ENO3: variants seen among roughly 807,000 people sequenced by gnomAD.
The protein encoded by ENO3 is enolase 3, also known as beta-enolase.
In ENO3, 46 loss-of-function variants were observed where a neutral mutation model predicts 47.7. The observed-to-expected ratio is 0.96, with a 90% CI of 0.76 to 1.23. The LOEUF is 1.23. Ranked by LOEUF, ENO3 falls within the 50% of genes most tolerant of loss-of-function variation. The pLI, the probability that ENO3 is intolerant of heterozygous loss-of-function variation, is 0.00. For synonymous variants in ENO3, 223 were observed against 225.9 expected, an observed-to-expected ratio of 0.99 and a Z score of 0.11; for missense variants, 575 against 566.2, an observed-to-expected ratio of 1.02 and a Z score of -0.16.
Position 4,955,408 on chromosome 17 carries a change from C to G in ENO3, c.669C>G (p.Ala223=). 6.2e-7 allele frequency: 1 copy of G among 1,614,214 alleles called. No homozygotes were observed. Among genetic ancestry groups the G allele is most frequent in the East Asian group, 2.2e-5 (1 of 44,884 alleles). ...GGTCCTTTCTTGGTCCTCCCCCAGCCCTGGAGCTGCTGAAGACGGCCATCC... is the reference window on the plus strand; with the variant it reads ...GGTCCTTTCTTGGTCCTCCCCCAGCGCTGGAGCTGCTGAAGACGGCCATCC... ...FAPNILENNE[A]LELLKTAIQA... is the part of the protein sequence containing the mutation. Residue 223 remains alanine (A), a splice_region_variant and synonymous_variant, in exon 8 of 12, where the codon GCC becomes GCG. Coordinates refer to ENST00000519602, the MANE Select transcript of ENO3 (RefSeq NM_053013.4).
Position 4,953,831 on chromosome 17 carries a change from A to T in ENO3, c.430A>T (p.Ile144Leu). 6.2e-7 allele frequency: 1 copy of T among 1,614,024 alleles called. No homozygotes were observed. The highest frequency in any genetic ancestry group is 8.5e-7 in the Non-Finnish European group (1 of 1,179,992). Reference sequence around the variant, plus strand: ...AGATCTCGCTGGGAACCCTGACCTCATACTCCCAGTGCCAGTGAGTGCAGC... The same window carrying T: ...AGATCTCGCTGGGAACCCTGACCTCTTACTCCCAGTGCCAGTGAGTGCAGC... Reference protein sequence around the residue: ...IADLAGNPDLILPVPAFNVIN... With the variant: ...IADLAGNPDLLLPVPAFNVIN... The change falls in exon 6 of 12, where the codon ATA becomes TTA. Residue 144 changes from isoleucine (I) to leucine (L), a missense_variant. Physicochemically the swap from Ile to Leu is conservative, Grantham distance 5. Transcript: ENST00000519602.
At position 4,957,127 on chromosome 17, in the gene ENO3, C is replaced by G; in HGVS notation, c.*80C>G. ...TCCTGAAATAAACACTGGTGCCAAC[C>G]AAGACAGCTGTGTGCTTCTTTGTGG... On this transcript the variant is annotated 3_prime_UTR_variant, in exon 12 of 12. Coordinates refer to ENST00000519602, the MANE Select transcript of ENO3 (RefSeq NM_053013.4). 6.4e-7 allele frequency: 1 copy of G among 1,567,328 alleles called. No individual in the cohort carries two copies.
intron 1 of ENO3, 160 bp from the exon 2 acceptor site, chr17:4,951,668 A>T (rs982512016): frequency 1.4e-6 from 1 of 733,732 alleles, no homozygotes; most frequent in African/African-American, 1.7e-5. Flanking sequence ...TGAGTGGGGG[A>T]GGGGGCTGCG....
At chr17:4,952,967 A>G in intron 3 of ENO3, 77 bp downstream of exon 3, 1 of 1,610,084 alleles carries the variant, frequency 6.2e-7, no homozygotes, top group South Asian at 1.1e-5. Context: ...GAGGACTGGA[A>G]CCCCCAAGGC....
chr17:4,951,645 A>C, intron 1 of ENO3, 183 bp from the exon 2 acceptor site: 1 of 645,620 alleles, frequency 1.5e-6, no homozygotes. Flanking sequence ...GGAGGGTGGA[A>C]TAAGAGCTGT....
At chr17:4,951,654 G>C in intron 1 of ENO3, 174 bp from the exon 2 acceptor site, 1 of 693,870 alleles carries the variant, frequency 1.4e-6, no homozygotes, top group Non-Finnish European at 2.6e-6. Flanking sequence ...AATAAGAGCT[G>C]TTCTGAGTGG....
At chr17:4,953,535 C>T (rs1971618142) in intron 5 of ENO3, among the ~76,000 whole-genome samples, 177 bp from the exon 6 acceptor site, 1 of 152,210 alleles carries the variant, frequency 6.6e-6, no homozygotes, top group Non-Finnish European at 1.5e-5. Context: ...TGGACACAGA[C>T]ATGCAGCTGA....
chr17:4,952,898 G>A lies in ENO3; in HGVS notation c.181+8G>A. 1.2e-6 allele frequency: 2 copies of A among 1,611,994 alleles called. No individual in the cohort carries two copies. Among genetic ancestry groups the A allele is most frequent in the South Asian group, 2.2e-5 (2 of 90,740 alleles). On this transcript the variant is annotated splice_region_variant and intron_variant, in intron 3 of 11. Transcript: ENST00000519602. Reference sequence around the variant, plus strand: ...GCCGCTACCTGGGGAAAGGTGAGGAGACACCAGCGCAGAAGGAGCCTGTGT... The same window carrying A: ...GCCGCTACCTGGGGAAAGGTGAGGAAACACCAGCGCAGAAGGAGCCTGTGT...
intron 6 of ENO3, 67 bp from the exon 7 acceptor site, chr17:4,955,008 C>CG (rs1971672596): frequency 6.7e-7 from 1 of 1,496,036 alleles, no homozygotes; most frequent in Non-Finnish European, 9.1e-7. Context: ...CCCAACACCC[C>CG]CCGCCCCTGT....
At position 4,953,253 on chromosome 17, in the gene ENO3, C is replaced by G. The variant is rs1252780273; in HGVS notation, c.241-19C>G. On this transcript the variant is annotated intron_variant, in intron 4 of 11. Coordinates refer to ENST00000519602, the MANE Select transcript of ENO3 (RefSeq NM_053013.4). ...AGAAATCTGACCTCTGCTCTCCCTTCTCAAACTCACCCTTCCAGAAACTAA... is the reference window on the plus strand; with the variant it reads ...AGAAATCTGACCTCTGCTCTCCCTTGTCAAACTCACCCTTCCAGAAACTAA... 6.2e-7 allele frequency: 1 copy of G among 1,614,094 alleles called. No individual in the cohort carries two copies. Among genetic ancestry groups the G allele is most frequent in the Non-Finnish European group, 8.5e-7 (1 of 1,180,028 alleles).
rs758391667 is a variant in ENO3 at position 4,955,495 on chromosome 17, T to A, written c.756T>A (p.Tyr252Ter). The change falls in exon 8 of 12, where the codon TAT becomes TAA. Residue 252 changes from tyrosine to a stop codon, truncating the protein, a stop_gained. Transcript: ENST00000519602. LOFTEE classifies it high-confidence loss of function. ...IGMDVAASEF[Y>*]RNGKYDLDFK... is the part of the protein sequence containing the mutation. ...TGGATGTGGCAGCATCTGAGTTCTA[T>A]CGCAATGGGAAGTACGATCTTGACT... 4 of 1,614,224 alleles carry A rather than the reference T, an allele frequency of 2.5e-6. No homozygotes were observed. The Middle Eastern group carries it at 4.9e-4, about 200-fold the overall frequency.
At chr17:4,953,156 C>G (rs777962361) in intron 4 of ENO3, 47 bp downstream of exon 4, 3 of 1,613,646 alleles carry the variant, frequency 1.9e-6, no homozygotes, top group South Asian at 1.1e-5. Context: ...CATGCCCCTG[C>G]TCCCTCAGCC....
chr17:4,950,147 G>GC (rs1971498593), upstream of ENO3: 1 of 152,140 alleles, frequency 6.6e-6, no homozygotes, highest in Admixed American at 6.5e-5. Flanking sequence ...GACGGGAAGG[G>GC]CCTCCGAGTC....
At position 4,956,898 on chromosome 17, in the gene ENO3, G is replaced by A; in HGVS notation, c.1235+9G>A. The A allele has an allele frequency of 6.2e-7, 1 of 1,614,240 alleles. No individual in the cohort carries two copies. Among genetic ancestry groups the A allele is most frequent in the Non-Finnish European group, 8.5e-7 (1 of 1,180,042 alleles). ...TACAACCAACTCATGAGGTACAGCGGGAACAGTGGGCCTGGGCATTGGGGT... is the reference window on the plus strand; with the variant it reads ...TACAACCAACTCATGAGGTACAGCGAGAACAGTGGGCCTGGGCATTGGGGT... On this transcript the variant is annotated intron_variant, in intron 11 of 11. Coordinates refer to ENST00000519602, the MANE Select transcript of ENO3 (RefSeq NM_053013.4).
rs1481270593 is a variant in ENO3, at chr17:4,953,763, C to T, written c.362C>T (p.Ala121Val). 1.4e-5 allele frequency: 23 copies of T among 1,614,100 alleles called. No homozygotes were observed. The highest frequency in any genetic ancestry group is 1.8e-5 in the Non-Finnish European group (21 of 1,180,048). ...GGCGTGTCCTTGGCCGTGTGTAAGG[C>T]GGGAGCAGCTGAGAAGGGGGTCCCC... is the stretch of plus-strand genomic sequence containing the variant. ...ILGVSLAVCK[A>V]GAAEKGVPLY... The change falls in exon 6 of 12, where the codon GCG (alanine) becomes GTG (valine). Residue 121 changes from alanine to valine, a missense_variant. Physicochemically the swap from Ala to Val is moderately conservative, Grantham distance 64. Coordinates refer to ENST00000519602, the MANE Select transcript of ENO3 (RefSeq NM_053013.4).
chr17:4,955,802 C>T, intron 8 of ENO3, 140 bp from the exon 9 acceptor site: 1 of 1,174,404 alleles, frequency 8.5e-7, no homozygotes, highest in Non-Finnish European at 1.3e-6. Flanking sequence ...TGCCCTGTCT[C>T]TGCCTTGTCT....
intron 3 of ENO3, 43 bp downstream of exon 3, chr17:4,952,933 T>C (rs779374700): frequency 1.9e-6 from 3 of 1,610,950 alleles, no homozygotes; most frequent in Non-Finnish European, 2.5e-6. Context: ...TGGGCGGCTT[T>C]AGGACATGGG....
chr17:4,956,658 G>A lies in ENO3; in HGVS notation c.1153G>A (p.Val385Met). The A allele has an allele frequency of 6.2e-7, 1 of 1,613,920 alleles. No homozygotes were observed. Among genetic ancestry groups the A allele is most frequent in the Non-Finnish European group, 8.5e-7 (1 of 1,179,738 alleles). The change falls in exon 10 of 12, where the codon GTG becomes ATG. Residue 385 changes from valine (V) to methionine (M), a missense_variant. By Grantham distance (21) the Val-to-Met change is conservative. Coordinates refer to ENST00000519602, the MANE Select transcript of ENO3 (RefSeq NM_053013.4). ...TGAGGACACATTCATTGCTGACCTT[G>A]TGGTGGGGCTCTGCACAGGACAGGT... ...ETEDTFIADL[V>M]VGLCTGQIKT...
Position 4,952,420 on chromosome 17 carries a change from T to C in ENO3, c.86-375T>C, listed in dbSNP as rs987802529. ...GTGCAGTGGCGCGATCTAGGCTCAC[T>C]GCAAGCTCCGCCTCCCGGGTTCACG... On this transcript the variant is annotated intron_variant, in intron 2 of 11. Coordinates refer to ENST00000519602, the MANE Select transcript of ENO3 (RefSeq NM_053013.4). The C allele has an allele frequency of 1.6e-4, 56 of 343,780 alleles. No homozygotes were observed. The East Asian group carries it at 4.4e-3, about 27-fold the overall frequency. 21.3% of individuals were successfully genotyped at this position (343,780 alleles called of 1,614,324 possible).
Sources: allele counts gnomAD v4.1 joint callset (sites outside exome capture counted in the v4.1 genomes callset), GRCh38; gene constraint gnomAD v4.1.1; transcripts MANE v1.5; gene names NCBI Gene and HGNC (gene_info 2026-07-23, HGNC 2026-07-21).